The following SCLY variants were observed in gnomAD, a reference collection of about 807,000 sequenced individuals.
SCLY encodes putative selenocysteine lyase.
A neutral mutation model predicts 50.1 loss-of-function variants in SCLY; 38 were observed. That is an observed-to-expected ratio of 0.76 (90% CI 0.59 to 0.99). SCLY has a LOEUF of 0.99. SCLY is among the 50% of genes least tolerant of loss of function. The probability of loss-of-function intolerance (pLI) is 0.00; values close to 1 mark genes in which losing one functional copy is unlikely to be tolerated. For synonymous variants in SCLY, 243 were observed against 249.4 expected, an observed-to-expected ratio of 0.97 and a Z score of 0.24; for missense variants, 600 against 620.0, an observed-to-expected ratio of 0.97 and a Z score of 0.34.
In SCLY at chr2:238,064,420, C is replaced by T. The variant is rs1351098770; in HGVS notation, c.153C>T (p.Thr51=). 4 of 1,611,446 alleles carry T rather than the reference C, an allele frequency of 2.5e-6. No homozygotes were observed. Among genetic ancestry groups the T allele is most frequent in the African/African-American group, 1.3e-5 (1 of 74,754 alleles). Residue 51 remains threonine, a synonymous_variant, in exon 2 of 12, where the codon ACC becomes ACT. Transcript: ENST00000254663. ...AGCCAGAAGTTATCCAGGCCATGACCAAGGCCATGTGGGAAGCCTGGGGAA... is the reference window on the plus strand; with the variant it reads ...AGCCAGAAGTTATCCAGGCCATGACTAAGGCCATGTGGGAAGCCTGGGGAA... ...PLEPEVIQAM[T]KAMWEAWGNP...
chr2:238,090,047 T>C (rs1377064184), intron 7 of SCLY, among the ~76,000 whole-genome samples: 1 of 152,024 alleles, frequency 6.6e-6, no homozygotes, highest in African/African-American at 2.4e-5. Flanking sequence ...ATCTAGAATA[T>C]ATAAAGAACT....
intron 1 of SCLY, among the ~76,000 whole-genome samples, chr2:238,062,055 T>C (rs1012246282): frequency 9.9e-5 from 15 of 152,204 alleles, no homozygotes; most frequent in African/African-American, 3.6e-4. Context: ...TGGAGCGAGA[T>C]TCCCAAGATT....
At chr2:238,077,442 G>A (rs959133842) in intron 4 of SCLY, among the ~76,000 whole-genome samples, 1 of 152,304 alleles carries the variant, frequency 6.6e-6, no homozygotes, top group African/African-American at 2.4e-5. Context: ...ATAGCCGTAA[G>A]GCCCATGCAA....
At position 238,083,697 on chromosome 2, in the gene SCLY, C is replaced by T. The variant is rs1447521649; in HGVS notation, c.884+343C>T. Among the ~76,000 whole-genome samples, 2 of 152,212 alleles carry T rather than the reference C, an allele frequency of 1.3e-5. No individual in the cohort carries two copies. The highest frequency in any genetic ancestry group is 4.8e-5 in the African/African-American group (2 of 41,450). On this transcript the variant is annotated intron_variant, in intron 7 of 11. Transcript: ENST00000254663. The surrounding 1 kb of genome is among the most constrained non-coding windows in gnomAD (Gnocchi z 4.3). ...CTGCTGTTTTAACTTCGGGGATCAG[C>T]AGGACCACACAGAAGCACTGGTCTC...
intron 8 of SCLY, chr2:238,091,525 G>C (rs147757014): frequency 8.5e-4 from 363 of 424,824 alleles, no homozygotes; most frequent in African/African-American, 6.7e-3. Flanking sequence ...TACAGCAGAG[G>C]TGAAGTGTCA....
At chr2:238,081,618 A>G in intron 4 of SCLY, 91 bp from the exon 5 acceptor site, 1 of 1,495,090 alleles carries the variant, frequency 6.7e-7, no homozygotes, top group African/African-American at 1.4e-5. Flanking sequence ...TTACTTTTAT[A>G]GTTGTAGAAA....
intron 10 of SCLY, among the ~76,000 whole-genome samples, chr2:238,095,082 A>G (rs1022576461): frequency 1.3e-5 from 2 of 152,218 alleles, no homozygotes; most frequent in African/African-American, 4.8e-5. Context: ...GTGCACCTGT[A>G]GTCCCAGCTA....
chr2:238,071,655 C>T (rs562603025), intron 4 of SCLY, among the ~76,000 whole-genome samples: 1 of 152,318 alleles, frequency 6.6e-6, no homozygotes, highest in African/African-American at 2.4e-5. Context: ...CCCTAAACCT[C>T]TGCAGCAGCA....
Position 238,064,378 on chromosome 2 carries a change from T to C in SCLY, c.111T>C (p.Asn37=). 2 of 1,608,700 alleles carry C rather than the reference T, an allele frequency of 1.2e-6. No homozygotes were observed. Among genetic ancestry groups the C allele is most frequent in the Non-Finnish European group, 1.7e-6 (2 of 1,178,002 alleles). Residue 37 remains asparagine, a synonymous_variant, in exon 2 of 12, where the codon AAT becomes AAC. Transcript: ENST00000254663. The stretch of plus-strand genomic sequence containing the variant: ...TCAGGAAAGTTTATATGGACTATAA[T>C]GCAACGACTCCCCTGGAGCCAGAAG... ...SPERKVYMDY[N]ATTPLEPEVI...
At position 238,067,324 on chromosome 2, in the gene SCLY, T is replaced by C. The variant is rs1303332361; in HGVS notation, c.203-741T>C. Among the ~76,000 whole-genome samples the C allele has an allele frequency of 6.6e-6, 1 of 152,252 alleles. No individual in the cohort carries two copies. Among genetic ancestry groups the C allele is most frequent in the East Asian group, 1.9e-4 (1 of 5,206 alleles). On this transcript the variant is annotated intron_variant, in intron 2 of 11. Coordinates refer to ENST00000254663, the MANE Select transcript of SCLY (RefSeq NM_016510.7). The surrounding 1 kb of genome is among the most constrained non-coding windows in gnomAD (Gnocchi z 4.3). The stretch of plus-strand genomic sequence containing the variant: ...TATTTCTCTTTTTTATGATGTTTCG[T>C]AATAGTATATGTTTTAGCGGTGCCT...
intron 7 of SCLY, 96 bp from the exon 8 acceptor site, chr2:238,091,120 CGT>C (rs1414007295): frequency 8.9e-7 from 1 of 1,119,976 alleles, no homozygotes; most frequent in Non-Finnish European, 1.4e-6. Flanking sequence ...AAAGATGTAG[CGT>C]GAGTTTGATT....
chr2:238,085,232 A>T (rs1159611009), intron 7 of SCLY, among the ~76,000 whole-genome samples: 1 of 152,210 alleles, frequency 6.6e-6, no homozygotes, highest in Non-Finnish European at 1.5e-5. Flanking sequence ...AACAAGTGAA[A>T]CAAAGTGTCA....
rs1286233991 is a variant in SCLY, at chr2:238,064,411, G to A, written c.144G>A (p.Gln48=). The change falls in exon 2 of 12, where the codon CAG becomes CAA. Residue 48 remains glutamine, a synonymous_variant. Coordinates refer to ENST00000254663, the MANE Select transcript of SCLY (RefSeq NM_016510.7). ...ATTPLEPEVI[Q]AMTKAMWEAW... Reference sequence around the variant, plus strand: ...CTCCCCTGGAGCCAGAAGTTATCCAGGCCATGACCAAGGCCATGTGGGAAG... The same window carrying A: ...CTCCCCTGGAGCCAGAAGTTATCCAAGCCATGACCAAGGCCATGTGGGAAG... The A allele has an allele frequency of 6.2e-7, 1 of 1,611,718 alleles. No homozygotes were observed. Among genetic ancestry groups the A allele is most frequent in the East Asian group, 2.2e-5 (1 of 44,694 alleles).
chr2:238,097,094 C>G (rs1039933702), intron 11 of SCLY, among the ~76,000 whole-genome samples: 2 of 151,030 alleles, frequency 1.3e-5, no homozygotes, highest in Admixed American at 1.3e-4. Flanking sequence ...GAGGGCTTCT[C>G]GTGCTCAGTT....
rs56051146 is a variant in SCLY at position 238,063,256 on chromosome 2, G to GT, written c.90-1087dup. On this transcript the variant is annotated intron_variant, in intron 1 of 11. Coordinates refer to ENST00000254663, the MANE Select transcript of SCLY (RefSeq NM_016510.7). ...TTGTGGGTTTGTTTTTTTTGTTGTTGTTTTTTTTTTTTTTGAGACGGACTC... is the reference window on the plus strand; with the variant it reads ...TTGTGGGTTTGTTTTTTTTGTTGTTGTTTTTTTTTTTTTTTGAGACGGACTC... Among the ~76,000 whole-genome samples the GT allele has an allele frequency of 7.5e-3, 1,064 of 141,754 alleles. 7 individuals carry two copies. Among genetic ancestry groups the GT allele is most frequent in the African/African-American group, 0.021 (832 of 38,914 alleles). 93.0% of individuals were successfully genotyped at this position (141,754 alleles called of 152,430 possible). A position where few individuals can be genotyped will look rare whatever the true frequency, so the allele number is the denominator to read the frequency against.
At chr2:238,068,199 C>G in intron 3 of SCLY, 34 bp downstream of exon 3, 2 of 1,360,300 alleles carry the variant, frequency 1.5e-6, no homozygotes, top group Non-Finnish European at 2.1e-6. Context: ...ATTCTGTTAA[C>G]TGTAAGTTAT....
Position 238,098,238 on chromosome 2 carries a change from C to T in SCLY, c.1221C>T (p.Phe407=), listed in dbSNP as rs12993309. Residue 407 remains phenylalanine, a synonymous_variant, in exon 12 of 12, where the codon TTC becomes TTT. Transcript: ENST00000254663. ...TGCTGCTGAGCTACGGTGTCCCCTT[C>T]GACGTGGCCAGGAACGCGCTCCGGC... ...SPVLLSYGVP[F]DVARNALRLS... 336,894 of 1,610,116 alleles carry T rather than the reference C, an allele frequency of 0.21. 36,211 individuals carry two copies. Among genetic ancestry groups the T allele is most frequent in the South Asian group, 0.3 (27,299 of 91,026 alleles).
rs1304789474 is a variant in SCLY at position 238,069,282 on chromosome 2, G to T, written c.304-15G>T. ...CACAGTTTTTGTAAATGCTTTTTTT[G>T]CTGTATCTCTGCAGTCAAATAATTT... is the stretch of plus-strand genomic sequence containing the variant. On this transcript the variant is annotated splice_polypyrimidine_tract_variant and intron_variant, in intron 3 of 11. Transcript: ENST00000254663. The surrounding 1 kb of genome is among the most constrained non-coding windows in gnomAD (Gnocchi z 5.0). 1.9e-6 allele frequency: 3 copies of T among 1,605,998 alleles called. No homozygotes were observed. The highest frequency in any genetic ancestry group is 1.7e-5 in the Admixed American group (1 of 57,702).
At chr2:238,097,499 C>T (rs13382432) in intron 11 of SCLY, among the ~76,000 whole-genome samples, 50,493 of 151,786 alleles carry the variant, frequency 0.33, 9,421 homozygotes, top group African/African-American at 0.52. Context: ...GGGGAGAGAG[C>T]GGAACTGTAG....
Sources: allele counts gnomAD v4.1 joint callset (sites outside exome capture counted in the v4.1 genomes callset), GRCh38; gene constraint gnomAD v4.1.1; non-coding constraint Gnocchi (gnomAD v3.1); transcripts MANE v1.5; gene names NCBI Gene and HGNC (gene_info 2026-07-23, HGNC 2026-07-21).